KRT4: variants seen among roughly 807,000 people sequenced by gnomAD.
KRT4 encodes the protein keratin 4, also known as keratin, type II cytoskeletal 4.
A neutral mutation model predicts 50.6 loss-of-function variants in KRT4; 47 were observed. The observed-to-expected ratio is 0.93, with a 90% CI of 0.73 to 1.18. The LOEUF is 1.18. Among genes scored for constraint, KRT4 ranks in the 50% most tolerant of loss-of-function variants. The pLI is 0.00. For synonymous variants in KRT4, 254 were observed against 251.2 expected (o/e 1.01, Z -0.10); for missense variants, 651 against 645.7 (o/e 1.01, Z -0.09).
At position 52,811,888 on chromosome 12, in the gene KRT4, A is replaced by C. The variant is rs1218331577; in HGVS notation, c.552T>G (p.Leu184=). ...TGAGGTAGGTCTCAAAGAGGGGCTC[A>C]AGGTTTTTGCTGGAGGTGGTGGTCG... is the stretch of plus-strand genomic sequence containing the variant. ...QQTTTTSSKN[L]EPLFETYLSV... is the part of the protein sequence containing the mutation. Residue 184 remains leucine (L), a synonymous_variant, in exon 2 of 9, where the codon CTT becomes CTG. Coordinates refer to ENST00000551956, the MANE Select transcript of KRT4 (RefSeq NM_002272.4). 10 of 1,614,066 alleles carry C rather than the reference A, an allele frequency of 6.2e-6. No homozygotes were observed. Among genetic ancestry groups the C allele is most frequent in the Admixed American group, 1.7e-5 (1 of 60,020 alleles).
chr12:52,812,098 G>T, intron 1 of KRT4, 121 bp from the exon 2 acceptor site: 1 of 757,476 alleles, frequency 1.3e-6, no homozygotes, highest in Non-Finnish European at 2.3e-6. Context: ...CACCCAAGTA[G>T]GGCCACTATG....
intron 7 of KRT4, 88 bp from the exon 8 acceptor site, chr12:52,807,481 C>T: frequency 1.3e-6 from 2 of 1,556,040 alleles, no homozygotes; most frequent in Non-Finnish European, 1.8e-6. Context: ...TATCCTTGAG[C>T]AGCCTCTGAG....
intron 3 of KRT4, 95 bp downstream of exon 3, chr12:52,810,661 G>T: frequency 1.0e-6 from 1 of 984,366 alleles, no homozygotes; most frequent in Non-Finnish European, 1.6e-6. Flanking sequence ...GCAGGGATGA[G>T]GCAGAGATGG....
At chr12:52,808,059 T>C (rs1240829892) in intron 6 of KRT4, among the ~76,000 whole-genome samples, 195 bp from the exon 7 acceptor site, 1 of 152,070 alleles carries the variant, frequency 6.6e-6, no homozygotes, top group African/African-American at 2.4e-5. Context: ...ACTGATTAAA[T>C]AAAAATGAGC....
intron 6 of KRT4, 140 bp from the exon 7 acceptor site, chr12:52,808,004 T>C (rs1939832239): frequency 1.2e-6 from 1 of 827,964 alleles, no homozygotes; most frequent in Non-Finnish European, 2.0e-6. Flanking sequence ...CTGAGACTTA[T>C]GCATCTCATT....
In KRT4 at chr12:52,810,650, A is replaced by AGCAGGGATGAG. The variant is rs1939893756; in HGVS notation, c.738+95_738+105dup. ...TATAGATCTAGATAGTTCCAAGTGAAGCAGGGATGAGGCAGAGATGGACCA... is the reference window on the plus strand; with the variant it reads ...TATAGATCTAGATAGTTCCAAGTGAAGCAGGGATGAGGCAGGGATGAGGCAGAGATGGACCA... On this transcript the variant is annotated intron_variant, in intron 3 of 8. Transcript: ENST00000551956. 3.3e-6 allele frequency: 3 copies of AGCAGGGATGAG among 897,466 alleles called. No individual in the cohort carries two copies. In the Admixed American group the frequency reaches 5.3e-5, roughly 16 times the overall value. The allele number at this position is 897,466 out of a possible 1,614,324, so 55.6% of individuals were successfully genotyped here.
chr12:52,809,525 T>C, intron 3 of KRT4, 47 bp from the exon 4 acceptor site: 2 of 1,365,570 alleles, frequency 1.5e-6, no homozygotes, highest in Non-Finnish European at 2.1e-6. Context: ...GGAATGCCAG[T>C]AGGAGGACGG....
rs1227374608 is a variant in KRT4, at chr12:52,809,425, A to T, written c.792T>A (p.Ser264Arg). Residue 264 changes from serine to arginine, a missense_variant, in exon 4 of 9, where the codon AGT becomes AGA. Ser to Arg is a moderately radical substitution (Grantham distance 110, BLOSUM62 -1). Coordinates refer to ENST00000551956, the MANE Select transcript of KRT4 (RefSeq NM_002272.4). Reference sequence around the variant, plus strand: ...TCAGGAAGTTGATCTCGTCATTAAGACTGTCCACCTTGGCCTCCAACTCCA... The same window carrying T: ...TCAGGAAGTTGATCTCGTCATTAAGTCTGTCCACCTTGGCCTCCAACTCCA... Reference protein sequence around the residue: ...NKVELEAKVDSLNDEINFLKV... With the variant: ...NKVELEAKVDRLNDEINFLKV... 1 of 1,613,998 alleles carries T rather than the reference A, an allele frequency of 6.2e-7. No homozygotes were observed. The highest frequency in any genetic ancestry group is 1.1e-5 in the South Asian group (1 of 91,082).
Position 52,809,430 on chromosome 12 carries a change from C to A in KRT4, c.787G>T (p.Asp263Tyr), listed in dbSNP as rs532775100. 6.2e-7 allele frequency: 1 copy of A among 1,614,158 alleles called. No homozygotes were observed. Among genetic ancestry groups the A allele is most frequent in the South Asian group, 1.1e-5 (1 of 91,078 alleles). Reference protein sequence around the residue: ...LNKVELEAKVDSLNDEINFLK... With the variant: ...LNKVELEAKVYSLNDEINFLK... The stretch of plus-strand genomic sequence containing the variant: ...AAGTTGATCTCGTCATTAAGACTGT[C>A]CACCTTGGCCTCCAACTCCACCTTG... Residue 263 changes from aspartate (D) to tyrosine (Y), a missense_variant, in exon 4 of 9, where the codon GAC becomes TAC. Transcript: ENST00000551956.
At chr12:52,808,527 A>T (rs1939847944) in intron 5 of KRT4, 108 bp from the exon 6 acceptor site, 1 of 1,544,526 alleles carries the variant, frequency 6.5e-7, no homozygotes, top group African/African-American at 1.4e-5. Flanking sequence ...ATAGCACCAA[A>T]TGTCAAGTAG....
At position 52,811,808 on chromosome 12, in the gene KRT4, G is replaced by C; in HGVS notation, c.632C>G (p.Ser211Cys). ...GCTGTCCTGCATGGTCTTCAGCTCA[G>C]ACTGCAGGCGCCCTTTGTCATTGCC... ...TLGNDKGRLQ[S>C]ELKTMQDSVE... The change falls in exon 2 of 9, where the codon TCT becomes TGT. Residue 211 changes from serine to cysteine, a missense_variant. Physicochemically the swap from Ser to Cys is moderately radical, Grantham distance 112 (BLOSUM62 -1). Coordinates refer to ENST00000551956, the MANE Select transcript of KRT4 (RefSeq NM_002272.4). 4 of 1,613,930 alleles carry C rather than the reference G, an allele frequency of 2.5e-6. No individual in the cohort carries two copies. The highest frequency in any genetic ancestry group is 3.4e-6 in the Non-Finnish European group (4 of 1,180,036).
chr12:52,810,683 G>A (rs1939894146), intron 3 of KRT4, 73 bp downstream of exon 3: 3 of 1,240,632 alleles, frequency 2.4e-6, no homozygotes, highest in Non-Finnish European at 3.6e-6. Context: ...CCAAACCCAT[G>A]ACTTCAGCCA....
At chr12:52,809,251 T>C (rs1269660245) in intron 4 of KRT4, 132 bp downstream of exon 4, 5 of 766,988 alleles carry the variant, frequency 6.5e-6, no homozygotes, top group African/African-American at 5.1e-5. Context: ...TTTCTATGCA[T>C]GACCTTGATG....
At chr12:52,812,656 A>G (rs1939932871) in intron 1 of KRT4, among the ~76,000 whole-genome samples, 1 of 152,206 alleles carries the variant, frequency 6.6e-6, no homozygotes, top group Admixed American at 6.5e-5. Flanking sequence ...TTTTGAACCC[A>G]AAAGGTAAAA....
rs1474924250 is a variant in KRT4, at chr12:52,813,623, T to C, written c.436A>G (p.Asn146Asp). Residue 146 changes from asparagine (N) to aspartate (D), a missense_variant, in exon 1 of 9, where the codon AAC becomes GAC. Asn to Asp is a conservative substitution (Grantham distance 23, BLOSUM62 1). Transcript: ENST00000551956. Reference protein sequence around the residue: ...EEREQIKLLNNKFASFIDKVQ... With the variant: ...EEREQIKLLNDKFASFIDKVQ... ...TTGTCGATGAAGGAGGCAAACTTGT[T>C]GTTGAGGAGCTTGATCTGTTCGCGC... The C allele has an allele frequency of 7.4e-6, 12 of 1,613,850 alleles. No homozygotes were observed. The highest frequency in any genetic ancestry group is 2.7e-5 in the African/African-American group (2 of 74,866).
intron 1 of KRT4, 146 bp downstream of exon 1, chr12:52,813,451 C>A: frequency 1.3e-6 from 1 of 752,634 alleles, no homozygotes; most frequent in African/African-American, 1.7e-5. Context: ...GGCTCAAAGT[C>A]ATGATGCCCC....
Position 52,813,483 on chromosome 12 carries a change from G to A in KRT4, c.462+114C>T, listed in dbSNP as rs919852729. 3.7e-5 allele frequency: 33 copies of A among 902,874 alleles called. No individual in the cohort carries two copies. In the African/African-American group the frequency reaches 5.0e-4, roughly 14 times the overall value. 55.9% of individuals were successfully genotyped at this position (902,874 alleles called of 1,614,324 possible). A position where few individuals can be genotyped will look rare whatever the true frequency, so the allele number is the denominator to read the frequency against. The stretch of plus-strand genomic sequence containing the variant: ...CCCCTTCAACAGCTGGAGAATTGGG[G>A]CCCAGGGAAGTTCAGTGGTCTCCCC... On this transcript the variant is annotated intron_variant, in intron 1 of 8. Transcript: ENST00000551956.
intron 4 of KRT4, 102 bp from the exon 5 acceptor site, chr12:52,808,952 G>A (rs1487674496): frequency 1.6e-6 from 2 of 1,224,552 alleles, no homozygotes; most frequent in African/African-American, 3.0e-5. Context: ...GTGTAGGAAG[G>A]GGAGAGACAG....
chr12:52,807,945 CT>C (rs1184170979), intron 6 of KRT4, 81 bp from the exon 7 acceptor site: 13 of 1,279,278 alleles, frequency 1.0e-5, no homozygotes, highest in Non-Finnish European at 1.4e-5. Flanking sequence ...CCTGGTCCAG[CT>C]TTCCTTGGGT....
Sources: allele counts gnomAD v4.1 joint callset (sites outside exome capture counted in the v4.1 genomes callset), GRCh38; gene constraint gnomAD v4.1.1; transcripts MANE v1.5; gene names NCBI Gene and HGNC (gene_info 2026-07-23, HGNC 2026-07-21).